Variants in AGO2 observed in about 807,000 individuals in gnomAD.
The protein encoded by AGO2 is protein argonaute-2.
Under a neutral mutation model 102.3 loss-of-function variants are expected in AGO2, and 5 were observed. That is an observed-to-expected ratio of 0.05 (90% CI 0.03 to 0.10). The LOEUF is 0.10. AGO2 is among the 10% of genes least tolerant of loss of function. The probability of loss-of-function intolerance (pLI) is 1.00; values close to 1 mark genes in which losing one functional copy is unlikely to be tolerated. For synonymous variants in AGO2, 449 were observed against 473.1 expected, an observed-to-expected ratio of 0.95 and a Z score of 0.66; for missense variants, 541 against 1,183.7, an observed-to-expected ratio of 0.46 and a Z score of 7.97.
At chr8:140,535,301 C>T in intron 17 of AGO2, 167 bp downstream of exon 17, 2 of 684,350 alleles carry the variant, frequency 2.9e-6, no homozygotes, top group Non-Finnish European at 5.0e-6. Context: ...GGCCCCTCTC[C>T]CCACCCCAGC....
chr8:140,598,370 T>G (rs1432011301), intron 1 of AGO2, among the ~76,000 whole-genome samples: 1 of 152,282 alleles, frequency 6.6e-6, no homozygotes, highest in Non-Finnish European at 1.5e-5. Flanking sequence ...AACCAAATGC[T>G]GCTGACATTT....
At chr8:140,548,890 T>A (rs1588446435) in intron 12 of AGO2, among the ~76,000 whole-genome samples, 1 of 152,228 alleles carries the variant, frequency 6.6e-6, no homozygotes, top group Non-Finnish European at 1.5e-5. Context: ...CCGAGGGTGC[T>A]GACTGCCCAG....
At chr8:140,616,255 G>A (rs1325783407) in intron 1 of AGO2, among the ~76,000 whole-genome samples, 1 of 152,180 alleles carries the variant, frequency 6.6e-6, no homozygotes, top group Non-Finnish European at 1.5e-5. Context: ...ATTCCTACAG[G>A]AGAGGCTCAC....
At chr8:140,549,041 G>A in intron 12 of AGO2, 73 bp downstream of exon 12, 1 of 1,496,188 alleles carries the variant, frequency 6.7e-7, no homozygotes. Context: ...AAACACAGAG[G>A]GGCTTAGGCA....
chr8:140,583,250 G>A (rs373798400), intron 2 of AGO2, among the ~76,000 whole-genome samples: 1 of 152,188 alleles, frequency 6.6e-6, no homozygotes, highest in East Asian at 1.9e-4. Flanking sequence ...TTTCAGACTT[G>A]GCCTGAGCCC....
chr8:140,594,926 G>A (rs182170374), intron 1 of AGO2, among the ~76,000 whole-genome samples: 3 of 150,308 alleles, frequency 2.0e-5, no homozygotes, highest in Admixed American at 6.7e-5. Context: ...AGGTATAAAC[G>A]TACATATACA....
At chr8:140,554,284 G>A (rs1000115717) in intron 10 of AGO2, among the ~76,000 whole-genome samples, 1 of 152,150 alleles carries the variant, frequency 6.6e-6, no homozygotes, top group Non-Finnish European at 1.5e-5. Flanking sequence ...TGGGGCCTCG[G>A]GGGACAAGCG....
chr8:140,582,033 T>C (rs2073566198), intron 2 of AGO2, among the ~76,000 whole-genome samples: 2 of 152,234 alleles, frequency 1.3e-5, no homozygotes, highest in African/African-American at 2.4e-5. Flanking sequence ...TAGCATACTT[T>C]AGATTCATAG....
intron 1 of AGO2, among the ~76,000 whole-genome samples, chr8:140,618,819 A>G (rs1414881661): frequency 2.6e-5 from 4 of 152,066 alleles, no homozygotes; most frequent in African/African-American, 7.2e-5. Context: ...TTGTCTCAAA[A>G]AAAAAAGAAA....
intron 3 of AGO2, among the ~76,000 whole-genome samples, chr8:140,570,376 C>T (rs778109423): frequency 6.0e-5 from 9 of 150,672 alleles, no homozygotes; most frequent in Non-Finnish European, 1.3e-4. Flanking sequence ...TAGGCGTGTG[C>T]CCCTATGCTT....
At position 140,589,270 on chromosome 8, in the gene AGO2, G is replaced by A. The variant is rs184864108; in HGVS notation, c.23-3959C>T. On this transcript the variant is annotated intron_variant, in intron 1 of 18. Transcript: ENST00000220592. This position sits in a 1 kb window ranked among gnomAD's most constrained non-coding sequence, Gnocchi z 4.2. ...ATTCCCCGCAGACGTGTACCCTGAG[G>A]CGGGGAGAGCAGCTGCAGAAATTCA... Among the ~76,000 whole-genome samples the A allele has an allele frequency of 6.0e-4, 92 of 152,294 alleles. No homozygotes were observed. The highest frequency in any genetic ancestry group is 7.8e-4 in the Non-Finnish European group (53 of 68,024).
upstream of AGO2, among the ~76,000 whole-genome samples, chr8:140,639,480 GAAAAAA>G (rs36037273): frequency 1.4e-5 from 2 of 139,860 alleles, no homozygotes; most frequent in African/African-American, 2.6e-5. Flanking sequence ...AACTCCATCT[GAAAAAA>G]AAAAAAAACT....
At chr8:140,550,441 C>G (rs532629347) in intron 11 of AGO2, among the ~76,000 whole-genome samples, 17 of 152,310 alleles carry the variant, frequency 1.1e-4, no homozygotes, top group Admixed American at 1.1e-3. Context: ...CTGGCCGAGG[C>G]GAGCATCCTG....
At chr8:140,619,953 C>T (rs917000576) in intron 1 of AGO2, among the ~76,000 whole-genome samples, 1 of 152,212 alleles carries the variant, frequency 6.6e-6, no homozygotes, top group African/African-American at 2.4e-5. Flanking sequence ...CGTGTGTCTC[C>T]TGCCTGCATC....
chr8:140,595,604 G>A (rs944307642), intron 1 of AGO2, among the ~76,000 whole-genome samples: 1 of 81,396 alleles, frequency 1.2e-5, no homozygotes, highest in African/African-American at 4.5e-5. Flanking sequence ...ATCATGCCAG[G>A]CTATATATAT....
chr8:140,572,307 T>C (rs183402221), intron 3 of AGO2: 2 of 152,548 alleles, frequency 1.3e-5, no homozygotes, highest in Admixed American at 1.3e-4. Context: ...TGGGCCTCAC[T>C]GCCATGTCTC....
At chr8:140,584,938 A>T (rs894563552) in intron 2 of AGO2, among the ~76,000 whole-genome samples, 181 bp downstream of exon 2, 7 of 152,094 alleles carry the variant, frequency 4.6e-5, no homozygotes, top group Admixed American at 2.0e-4. Context: ...ATATTTATAT[A>T]TATATTTTTT....
chr8:140,559,811 G>C (rs938262004), intron 5 of AGO2, among the ~76,000 whole-genome samples: 5 of 152,192 alleles, frequency 3.3e-5, no homozygotes, highest in African/African-American at 1.2e-4. Context: ...CAGTGTTGTA[G>C]GATTTTCTGG....
At chr8:140,564,457 G>C (rs1282971224) in intron 3 of AGO2, among the ~76,000 whole-genome samples, 1 of 152,168 alleles carries the variant, frequency 6.6e-6, no homozygotes, top group African/African-American at 2.4e-5. Context: ...CTACGCAAGC[G>C]GAGTTATATA....
Sources: gnomAD v4.1 joint callset for allele counts (sites outside exome capture counted in the v4.1 genomes callset) on GRCh38, gnomAD v4.1.1 for gene constraint, Gnocchi (gnomAD v3.1) non-coding constraint, MANE v1.5 for transcripts, NCBI Gene and HGNC (gene_info 2026-07-23, HGNC 2026-07-21) for gene names.